HMG20A: variants seen among roughly 807,000 people sequenced by gnomAD.
HMG20A encodes high mobility group protein 20A.
HMG20A carries 17 observed loss-of-function variants against 43.9 expected under a neutral mutation model. That is an observed-to-expected ratio of 0.39 (90% CI 0.27 to 0.58). The LOEUF (loss-of-function observed/expected upper bound fraction) is 0.58, where lower values mean the gene tolerates loss of function less well. Ranked by LOEUF, HMG20A falls within the 20% of genes least tolerant of loss-of-function variation. The pLI, the probability that HMG20A is intolerant of heterozygous loss-of-function variation, is 0.59. For synonymous variants in HMG20A, 132 were observed against 147.5 expected (o/e 0.89, Z 0.76); for missense variants, 341 against 438.2 (o/e 0.78, Z 1.98).
Position 77,434,585 on chromosome 15 carries a change from CA to C in HMG20A, c.-5+13585del, listed in dbSNP as rs201162610. 5.2e-3 allele frequency among the ~76,000 whole-genome samples: 790 copies of C among 152,224 alleles called. 5 individuals carry two copies. Among genetic ancestry groups the C allele is most frequent in the African/African-American group, 0.016 (685 of 41,534 alleles). Reference sequence around the variant, plus strand: ...ACAAAATACTTCAATAGGCACTCCACAAAAGAAACTATCCAAAGGCCAATAT... The same window carrying C: ...ACAAAATACTTCAATAGGCACTCCACAAAGAAACTATCCAAAGGCCAATAT... On this transcript the variant is annotated intron_variant, in intron 1 of 9. Transcript: ENST00000336216.
intron 1 of HMG20A, among the ~76,000 whole-genome samples, chr15:77,449,996 CT>C (rs1440293149): frequency 6.6e-6 from 1 of 152,234 alleles, no homozygotes; most frequent in African/African-American, 2.4e-5. Flanking sequence ...TGTCTCCATA[CT>C]TTTGCTTATC....
intron 7 of HMG20A, 97 bp downstream of exon 7, chr15:77,477,727 C>A: frequency 2.5e-6 from 2 of 800,208 alleles, no homozygotes; most frequent in Non-Finnish European, 4.2e-6. Context: ...GTAGTGTTAT[C>A]CCTCCTTAGG....
At chr15:77,497,052 G>GA in the HMG20A span, among the ~76,000 whole-genome samples, 1 of 152,214 alleles carries the variant, frequency 6.6e-6, no homozygotes, top group East Asian at 1.9e-4. Context: ...TGGGGTTCCT[G>GA]AAAGCCGGCA....
intron 1 of HMG20A, among the ~76,000 whole-genome samples, chr15:77,422,167 A>C (rs1455041686): frequency 6.6e-6 from 1 of 152,250 alleles, no homozygotes; most frequent in Non-Finnish European, 1.5e-5. Flanking sequence ...TTTGAAGCTT[A>C]CTTTGTGAAA....
chr15:77,442,190 G>A (rs2073620040), intron 1 of HMG20A, among the ~76,000 whole-genome samples: 2 of 152,118 alleles, frequency 1.3e-5, no homozygotes, highest in African/African-American at 4.8e-5. Context: ...TTCCTGGTCT[G>A]TTTTCCCATA....
chr15:77,491,525 C>A, the HMG20A span, among the ~76,000 whole-genome samples: 1 of 152,112 alleles, frequency 6.6e-6, no homozygotes, highest in African/African-American at 2.4e-5. Context: ...TTTCCAAGTA[C>A]TCACTATGTG....
intron 2 of HMG20A, among the ~76,000 whole-genome samples, chr15:77,461,163 T>C (rs562979466): frequency 6.3e-4 from 96 of 152,008 alleles, no homozygotes; most frequent in Middle Eastern, 3.4e-3. Context: ...TTCTGGTACA[T>C]CAGGTAAGAT....
At chr15:77,494,745 A>T in the HMG20A span, among the ~76,000 whole-genome samples, 3 of 152,252 alleles carry the variant, frequency 2.0e-5, no homozygotes, top group Admixed American at 6.5e-5. Flanking sequence ...AATGAATTAC[A>T]GCAACAAAAC....
At chr15:77,435,235 G>T (rs531679884) in intron 1 of HMG20A, among the ~76,000 whole-genome samples, 63 of 152,260 alleles carry the variant, frequency 4.1e-4, no homozygotes, top group Non-Finnish European at 8.4e-4. Context: ...AGGTGATACA[G>T]TCTATGAAAA....
chr15:77,518,311 C>T, the HMG20A span, among the ~76,000 whole-genome samples: 2 of 152,212 alleles, frequency 1.3e-5, no homozygotes, highest in South Asian at 4.1e-4. Flanking sequence ...ACCACGCCTG[C>T]ACCAACCCCT....
intron 4 of HMG20A, among the ~76,000 whole-genome samples, chr15:77,470,702 C>T (rs534251657): frequency 1.2e-3 from 180 of 152,284 alleles, no homozygotes; most frequent in Non-Finnish European, 2.2e-3. Flanking sequence ...ATTCTAAAAA[C>T]TCATAATGAC....
At chr15:77,500,775 G>C in the HMG20A span, among the ~76,000 whole-genome samples, 2 of 152,006 alleles carry the variant, frequency 1.3e-5, no homozygotes, top group South Asian at 2.1e-4. Flanking sequence ...CACCATGTTG[G>C]CCAGGCTGGT....
chr15:77,509,125 T>C, the HMG20A span, among the ~76,000 whole-genome samples: 3 of 152,150 alleles, frequency 2.0e-5, no homozygotes, highest in Non-Finnish European at 4.4e-5. Flanking sequence ...TGCTGTAATG[T>C]GGTGAACTTC....
chr15:77,478,634 C>G, intron 8 of HMG20A, 124 bp downstream of exon 8: 1 of 735,956 alleles, frequency 1.4e-6, no homozygotes, highest in African/African-American at 1.8e-5. Context: ...ATTAATTAAA[C>G]TACATTTTTT....
chr15:77,450,583 T>C (rs965954135), intron 1 of HMG20A, among the ~76,000 whole-genome samples: 6 of 152,228 alleles, frequency 3.9e-5, no homozygotes, highest in Non-Finnish European at 8.8e-5. Flanking sequence ...AGAATCATTC[T>C]CTTACACTTA....
At chr15:77,448,890 G>A (rs2142308475) in intron 1 of HMG20A, among the ~76,000 whole-genome samples, 1 of 151,432 alleles carries the variant, frequency 6.6e-6, no homozygotes, top group Non-Finnish European at 1.5e-5. Flanking sequence ...AAGACCAGCT[G>A]GAAAAAAAAA....
chr15:77,445,550 T>C (rs1303945254), intron 1 of HMG20A, among the ~76,000 whole-genome samples: 1 of 152,244 alleles, frequency 6.6e-6, no homozygotes, highest in Non-Finnish European at 1.5e-5. Context: ...ACTGTAGGTC[T>C]TAGCAACCTC....
At chr15:77,430,153 T>TA (rs1311451996) in intron 1 of HMG20A, among the ~76,000 whole-genome samples, 1 of 152,252 alleles carries the variant, frequency 6.6e-6, no homozygotes, top group African/African-American at 2.4e-5. Context: ...ATGTTTTTGT[T>TA]ATCAGACATT....
chr15:77,423,110 A>G (rs1037986502), intron 1 of HMG20A, among the ~76,000 whole-genome samples: 3 of 152,198 alleles, frequency 2.0e-5, no homozygotes, highest in Non-Finnish European at 4.4e-5. Flanking sequence ...ATGGTACTCC[A>G]TGGAAGAAAT....
Sources: allele counts gnomAD v4.1 joint callset (sites outside exome capture counted in the v4.1 genomes callset), GRCh38; gene constraint gnomAD v4.1.1; transcripts MANE v1.5; gene names NCBI Gene and HGNC (gene_info 2026-07-23, HGNC 2026-07-21).